DUSP22: variants seen among roughly 807,000 people sequenced by gnomAD.
The protein encoded by DUSP22 is dual specificity phosphatase 22, also known as dual specificity protein phosphatase 22.
DUSP22 carries 24 observed loss-of-function variants against 24.5 expected under a neutral mutation model. The observed-to-expected ratio is 0.98, with a 90% CI of 0.71 to 1.38. The LOEUF is 1.38. DUSP22 is among the 40% of genes most tolerant of loss of function. The pLI is 0.00. For synonymous variants in DUSP22, 160 were observed against 106.4 expected (o/e 1.50, Z -3.10); for missense variants, 330 against 269.2 (o/e 1.23, Z -1.58).
At chr6:337,767 C>T (rs1759422513) in intron 4 of DUSP22, among the ~76,000 whole-genome samples, 2 of 152,306 alleles carry the variant, frequency 1.3e-5, no homozygotes, top group South Asian at 2.1e-4. Flanking sequence ...TTTCACCCCT[C>T]ACCTCCTCCT....
At chr6:344,567 G>A (rs1759767787) in intron 4 of DUSP22, among the ~76,000 whole-genome samples, 1 of 152,298 alleles carries the variant, frequency 6.6e-6, no homozygotes, top group Admixed American at 6.5e-5. Context: ...TAGGATGATA[G>A]GTGTGTGCCA....
At chr6:294,304 C>A (rs988281925) in intron 1 of DUSP22, among the ~76,000 whole-genome samples, 1 of 152,270 alleles carries the variant, frequency 6.6e-6, no homozygotes, top group African/African-American at 2.4e-5. Context: ...CCTGCTTCAA[C>A]ACTTATTGAT....
intron 1 of DUSP22, among the ~76,000 whole-genome samples, chr6:295,675 C>T (rs1353689829): frequency 6.6e-6 from 1 of 152,152 alleles, no homozygotes; most frequent in African/African-American, 2.4e-5. Flanking sequence ...TGGCTTGTGC[C>T]TGTAGTCCCA....
intron 3 of DUSP22, among the ~76,000 whole-genome samples, chr6:324,833 A>G (rs969243521): frequency 6.6e-6 from 1 of 152,300 alleles, no homozygotes; most frequent in African/African-American, 2.4e-5. Flanking sequence ...CCTGTAACCC[A>G]TCTGCAGCTG....
intron 3 of DUSP22, among the ~76,000 whole-genome samples, chr6:328,401 C>T (rs113374631): frequency 1.9e-3 from 291 of 152,322 alleles, no homozygotes; most frequent in South Asian, 5.2e-3. Context: ...TAGCCTTGCA[C>T]TGAAATATCT....
intron 6 of DUSP22, 141 bp from the exon 7 acceptor site, chr6:348,628 C>T (rs2127423983): frequency 1.4e-6 from 2 of 1,431,288 alleles, no homozygotes; most frequent in Non-Finnish European, 1.9e-6. Flanking sequence ...TGGCCAACCA[C>T]AGAGCTCTGA....
chr6:323,264 T>C (rs1455283965), intron 3 of DUSP22, among the ~76,000 whole-genome samples: 1 of 135,488 alleles, frequency 7.4e-6, no homozygotes, highest in African/African-American at 2.8e-5. Context: ...GTGTGTGTGT[T>C]GAGGTGGACA....
chr6:348,162 A>G lies in DUSP22; in HGVS notation c.323A>G (p.Asp108Gly), dbSNP rs1364691640. The G allele has an allele frequency of 6.2e-7, 1 of 1,614,182 alleles. No individual in the cohort carries two copies. Among genetic ancestry groups the G allele is most frequent in the Admixed American group, 1.7e-5 (1 of 60,018 alleles). ...LVIAYIMTVT[D>G]FGWEDALHTV... ...ATCGCATACATCATGACCGTCACTG[A>G]CTTTGGCTGGGAGGATGCCCTGCAC... The change falls in exon 6 of 7, where the codon GAC (aspartate) becomes GGC (glycine). Residue 108 changes from aspartate to glycine, a missense_variant. Transcript: ENST00000419235.
chr6:301,811 T>C (rs996658767), intron 1 of DUSP22, among the ~76,000 whole-genome samples: 1 of 152,298 alleles, frequency 6.6e-6, no homozygotes, highest in Admixed American at 6.5e-5. Context: ...TTGCTTGAGA[T>C]AGTCCTGCAG....
intron 4 of DUSP22, among the ~76,000 whole-genome samples, chr6:338,475 T>C (rs1045246773): frequency 1.3e-5 from 2 of 152,298 alleles, no homozygotes. Context: ...TATTACCAAG[T>C]ATCAGGTGCT....
chr6:313,381 C>G (rs943974820), intron 3 of DUSP22, among the ~76,000 whole-genome samples: 2 of 152,288 alleles, frequency 1.3e-5, no homozygotes, highest in Non-Finnish European at 2.9e-5. Context: ...GGTTAGAAAT[C>G]AAAGAGCTCC....
chr6:338,432 A>G (rs1208878181), intron 4 of DUSP22, among the ~76,000 whole-genome samples: 1 of 152,300 alleles, frequency 6.6e-6, no homozygotes, highest in Non-Finnish European at 1.5e-5. Flanking sequence ...CAGGCAGAAC[A>G]CCTACCTCTC....
chr6:310,874 A>G (rs1758054164), intron 2 of DUSP22, among the ~76,000 whole-genome samples: 1 of 152,306 alleles, frequency 6.6e-6, no homozygotes, highest in Non-Finnish European at 1.5e-5. Context: ...CATCATGATT[A>G]CAATGTTTAT....
chr6:316,042 C>A (rs1478388856), intron 3 of DUSP22, among the ~76,000 whole-genome samples: 1 of 152,306 alleles, frequency 6.6e-6, no homozygotes, highest in African/African-American at 2.4e-5. Context: ...TTTGGCGATG[C>A]CTAAGAATTC....
intron 1 of DUSP22, among the ~76,000 whole-genome samples, chr6:300,378 C>T (rs372286293): frequency 7.4e-3 from 1,124 of 152,006 alleles, no homozygotes; most frequent in Middle Eastern, 0.038. Context: ...GAAAGCTACA[C>T]GGAGCCCTAA....
intron 3 of DUSP22, among the ~76,000 whole-genome samples, chr6:331,718 C>T (rs1393412318): frequency 6.6e-6 from 1 of 152,304 alleles, no homozygotes; most frequent in Non-Finnish European, 1.5e-5. Flanking sequence ...GTATCTGAAG[C>T]TGTTCTAAGG....
chr6:341,796 G>T (rs1393246809), intron 4 of DUSP22, among the ~76,000 whole-genome samples: 1 of 152,426 alleles, frequency 6.6e-6, no homozygotes, highest in South Asian at 2.1e-4. Flanking sequence ...CTACCGGGGG[G>T]TGGTGGTGCA....
chr6:345,660 T>C (rs1393291653), intron 4 of DUSP22, among the ~76,000 whole-genome samples, 194 bp from the exon 5 acceptor site: 1 of 152,306 alleles, frequency 6.6e-6, no homozygotes, highest in African/African-American at 2.4e-5. Context: ...CAGGTAATTA[T>C]CCTGATTTGA....
chr6:322,832 G>T (rs1322928286), intron 3 of DUSP22, among the ~76,000 whole-genome samples: 3 of 135,744 alleles, frequency 2.2e-5, no homozygotes, highest in Non-Finnish European at 4.8e-5. Context: ...CTGCTTGGTG[G>T]GGCGGGGGGG....
Sources: allele counts gnomAD v4.1 joint callset (sites outside exome capture counted in the v4.1 genomes callset), GRCh38; gene constraint gnomAD v4.1.1; transcripts MANE v1.5; gene names NCBI Gene and HGNC (gene_info 2026-07-23, HGNC 2026-07-21).